The following PRKCA variants were observed in gnomAD, a reference collection of about 807,000 sequenced individuals.
The protein encoded by PRKCA is protein kinase C alpha type.
In PRKCA, 27 loss-of-function variants were observed where a neutral mutation model predicts 87.0. That is an observed-to-expected ratio of 0.31 (90% CI 0.23 to 0.43). PRKCA has a LOEUF of 0.43. Among genes scored for constraint, PRKCA ranks in the 20% least tolerant of loss-of-function variants. The pLI is 1.00. For synonymous variants in PRKCA, 329 were observed against 311.1 expected (o/e 1.06, Z -0.61); for missense variants, 518 against 852.3 (o/e 0.61, Z 4.88).
chr17:66,464,464 G>A (rs1914997454), intron 2 of PRKCA, among the ~76,000 whole-genome samples: 1 of 152,160 alleles, frequency 6.6e-6, no homozygotes, highest in African/African-American at 2.4e-5. Context: ...TTCCAAAGTG[G>A]CTGTACCATT....
At chr17:66,773,762 A>G (rs1474215409) in intron 13 of PRKCA, among the ~76,000 whole-genome samples, 1 of 152,146 alleles carries the variant, frequency 6.6e-6, no homozygotes, top group African/African-American at 2.4e-5. Context: ...AGGTGGATTC[A>G]GAACAAGATT....
chr17:66,406,879 CT>C (rs1271278442), intron 2 of PRKCA, among the ~76,000 whole-genome samples: 3 of 152,058 alleles, frequency 2.0e-5, no homozygotes, highest in Non-Finnish European at 2.9e-5. Context: ...CTCCTGTCTG[CT>C]TCTAAGGGAC....
chr17:66,303,616 C>CAGAG (rs900724709), intron 1 of PRKCA, among the ~76,000 whole-genome samples: 1 of 150,610 alleles, frequency 6.6e-6, no homozygotes, highest in Non-Finnish European at 1.5e-5. Context: ...TCTGAGTGAG[C>CAGAG]AGAGAGAGAG....
chr17:66,399,447 A>G (rs1910889319), intron 2 of PRKCA, among the ~76,000 whole-genome samples: 1 of 152,194 alleles, frequency 6.6e-6, no homozygotes, highest in African/African-American at 2.4e-5. Flanking sequence ...TTTTTAATCT[A>G]TACAAAAAAC....
chr17:66,677,866 T>C (rs1972379779), intron 5 of PRKCA, among the ~76,000 whole-genome samples: 1 of 152,188 alleles, frequency 6.6e-6, no homozygotes, highest in Admixed American at 6.5e-5. Flanking sequence ...ATTCACCCTT[T>C]AAAAATGTAC....
chr17:66,621,675 A>G (rs1392221895), intron 3 of PRKCA, among the ~76,000 whole-genome samples: 4 of 152,132 alleles, frequency 2.6e-5, no homozygotes, highest in Non-Finnish European at 5.9e-5. Flanking sequence ...CCTGTTACTG[A>G]TCTGGTGTTT....
At chr17:66,730,861 A>AT (rs1307329895) in intron 8 of PRKCA, among the ~76,000 whole-genome samples, 2 of 152,234 alleles carry the variant, frequency 1.3e-5, no homozygotes, top group African/African-American at 4.8e-5. Flanking sequence ...GGATGAAGGC[A>AT]TGGTGGTGCT....
At chr17:66,491,605 T>A (rs959318014) in intron 2 of PRKCA, among the ~76,000 whole-genome samples, 1 of 152,174 alleles carries the variant, frequency 6.6e-6, no homozygotes, top group African/African-American at 2.4e-5. Context: ...TGAATTCCTT[T>A]AGAGCCCCAA....
intron 5 of PRKCA, among the ~76,000 whole-genome samples, chr17:66,657,853 T>A (rs117228468): frequency 6.6e-6 from 1 of 151,976 alleles, no homozygotes; most frequent in Non-Finnish European, 1.5e-5. Flanking sequence ...TAGTATATAT[T>A]TGAAAAACAA....
chr17:66,753,223 G>T (rs1974475741), intron 13 of PRKCA, among the ~76,000 whole-genome samples: 1 of 152,188 alleles, frequency 6.6e-6, no homozygotes, highest in South Asian at 2.1e-4. Flanking sequence ...GTTAGAGTCT[G>T]CAGGGCCAAT....
chr17:66,325,373 T>A (rs1351910939), intron 2 of PRKCA, among the ~76,000 whole-genome samples: 1 of 152,216 alleles, frequency 6.6e-6, no homozygotes, highest in African/African-American at 2.4e-5. Context: ...CAGTTGAAAT[T>A]TGGTATTTGA....
intron 13 of PRKCA, among the ~76,000 whole-genome samples, chr17:66,769,176 C>A (rs1974876955): frequency 1.3e-5 from 2 of 151,886 alleles, no homozygotes; most frequent in Admixed American, 1.3e-4. Flanking sequence ...TGCAACAAAG[C>A]AAAATCCTGT....
chr17:66,478,796 T>TG (rs534640305), intron 2 of PRKCA, among the ~76,000 whole-genome samples: 117 of 152,186 alleles, frequency 7.7e-4, no homozygotes, highest in Non-Finnish European at 1.5e-3. Context: ...CTTTTTCTCT[T>TG]GCAACAACTT....
chr17:66,705,436 G>A (rs1224802086), intron 8 of PRKCA, among the ~76,000 whole-genome samples: 1 of 152,192 alleles, frequency 6.6e-6, no homozygotes, highest in Non-Finnish European at 1.5e-5. Flanking sequence ...TTATATTAGA[G>A]TGCTGGCAGC....
At position 66,450,641 on chromosome 17, in the gene PRKCA, C is replaced by G. The variant is rs186023245; in HGVS notation, c.206-45560C>G. On this transcript the variant is annotated intron_variant, in intron 2 of 16. Transcript: ENST00000413366. ...TTTTTCTCTTGTGGATTAGTTATTA[C>G]CGGATGACTTTCATCCACACACTTA... Among the ~76,000 whole-genome samples the G allele has an allele frequency of 1.0e-3, 152 of 152,272 alleles. 2 individuals carry two copies. The highest frequency in any genetic ancestry group is 6.8e-3 in the Middle Eastern group (2 of 294).
intron 2 of PRKCA, among the ~76,000 whole-genome samples, chr17:66,317,521 T>C (rs1459193673): frequency 1.3e-5 from 2 of 152,216 alleles, no homozygotes; most frequent in African/African-American, 4.8e-5. Flanking sequence ...TAATTTGAAA[T>C]TGGGGAGATT....
rs1469192037 is a variant in PRKCA at position 66,803,094 on chromosome 17, G to C, written c.1855-779G>C. Among the ~76,000 whole-genome samples, 1 of 152,134 alleles carries C rather than the reference G, an allele frequency of 6.6e-6. No homozygotes were observed. Among genetic ancestry groups the C allele is most frequent in the Non-Finnish European group, 1.5e-5 (1 of 68,024 alleles). On this transcript the variant is annotated intron_variant, in intron 16 of 16. Coordinates refer to ENST00000413366, the MANE Select transcript of PRKCA (RefSeq NM_002737.3). This position sits in a 1 kb window ranked among gnomAD's most constrained non-coding sequence, Gnocchi z 4.4. ...TGCCTAAGCGGCTGTGTGTCTCAGCGACCCCAGTGCAACAGTTCTGCCTGG... is the reference window on the plus strand; with the variant it reads ...TGCCTAAGCGGCTGTGTGTCTCAGCCACCCCAGTGCAACAGTTCTGCCTGG...
intron 2 of PRKCA, among the ~76,000 whole-genome samples, chr17:66,417,884 A>G (rs915746839): frequency 1.3e-5 from 2 of 152,052 alleles, no homozygotes; most frequent in Non-Finnish European, 2.9e-5. Flanking sequence ...TGCAACTGGG[A>G]TTTTTCTTAA....
intron 2 of PRKCA, among the ~76,000 whole-genome samples, chr17:66,431,296 G>A (rs920497219): frequency 6.6e-6 from 1 of 152,038 alleles, no homozygotes. Context: ...TATTTATTAG[G>A]GCTATTTAAT....
Sources: allele counts gnomAD v4.1 joint callset (sites outside exome capture counted in the v4.1 genomes callset), GRCh38; gene constraint gnomAD v4.1.1; non-coding constraint Gnocchi (gnomAD v3.1); transcripts MANE v1.5; gene names NCBI Gene and HGNC (gene_info 2026-07-23, HGNC 2026-07-21).